INSRR: variants seen among roughly 807,000 people sequenced by gnomAD.
The protein encoded by INSRR is insulin receptor-related protein.
Under a neutral mutation model 130.0 loss-of-function variants are expected in INSRR, and 114 were observed. The ratio of observed to expected loss-of-function variants is 0.88; its 90% confidence interval spans 0.75 to 1.02. The LOEUF (loss-of-function observed/expected upper bound fraction) is 1.02, where lower values mean the gene tolerates loss of function less well. Among genes scored for constraint, INSRR ranks in the 50% least tolerant of loss-of-function variants. The pLI, the probability that INSRR is intolerant of heterozygous loss-of-function variation, is 0.00. For synonymous variants in INSRR, 674 were observed against 705.2 expected, an observed-to-expected ratio of 0.96 and a Z score of 0.70; for missense variants, 1,657 against 1,735.2, an observed-to-expected ratio of 0.95 and a Z score of 0.80.
chr1:156,851,288 A>G lies in INSRR; in HGVS notation c.1229+2T>C. On this transcript the variant is annotated splice_donor_variant, in intron 5 of 21. Transcript: ENST00000368195. LOFTEE classifies it high-confidence loss of function. The stretch of plus-strand genomic sequence containing the variant: ...GGAGCTGGTCAGAGGCCTAACCCTT[A>G]CCCATCCACCATGGCGTCTCCCCGG... The G allele has an allele frequency of 1.2e-6, 2 of 1,614,038 alleles. No individual in the cohort carries two copies. The highest frequency in any genetic ancestry group is 1.7e-5 in the Admixed American group (1 of 60,010).
rs55694053 is a variant in INSRR at position 156,841,679 on chromosome 1, G to A, written c.3513C>T (p.Thr1171=). The A allele has an allele frequency of 7.9e-4, 1,275 of 1,614,036 alleles. 3 individuals carry two copies. Among genetic ancestry groups the A allele is most frequent in the Non-Finnish European group, 9.8e-4 (1,159 of 1,179,948 alleles). Reference sequence around the variant, plus strand: ...CTCGGCCCCACCAGACATCCGAGTGGGTGGTGAAGATCCCATCTTTGAGGG... The same window carrying A: ...CTCGGCCCCACCAGACATCCGAGTGAGTGGTGAAGATCCCATCTTTGAGGG... The part of the protein sequence containing the change: ...PESLKDGIFT[T]HSDVWSFGVV... Residue 1171 remains threonine, a synonymous_variant, in exon 20 of 22, where the codon ACC becomes ACT. Transcript: ENST00000368195.
chr1:156,841,969 C>T (rs1654807134), intron 19 of INSRR, 143 bp downstream of exon 19: 27 of 1,554,088 alleles, frequency 1.7e-5, no homozygotes, highest in Non-Finnish European at 2.4e-5. Context: ...TGCCCTTGGA[C>T]AAGAGACTAA....
In INSRR at chr1:156,844,209, G is replaced by A; in HGVS notation, c.2809C>T (p.Leu937Phe). Residue 937 changes from leucine (L) to phenylalanine (F), a missense_variant, in exon 15 of 22, where the codon CTT becomes TTT. Coordinates refer to ENST00000368195, the MANE Select transcript of INSRR (RefSeq NM_014215.3). The part of the protein sequence containing the change: ...TPVGLTLLIV[L>F]AALGFFYGKK... ...CCGTAGAAGAAACCAAGGGCAGCAA[G>A]AACGATGAGCAGCGTGAGCCCCACA... 1 of 1,614,012 alleles carries A rather than the reference G, an allele frequency of 6.2e-7. No individual in the cohort carries two copies. Among genetic ancestry groups the A allele is most frequent in the Admixed American group, 1.7e-5 (1 of 60,022 alleles).
At chr1:156,842,853 C>A in intron 17 of INSRR, 151 bp downstream of exon 17, 1 of 672,638 alleles carries the variant, frequency 1.5e-6, no homozygotes, top group Non-Finnish European at 2.6e-6. Flanking sequence ...TGACTCTAAC[C>A]CTAACCATGA....
chr1:156,841,023 C>T lies in INSRR; in HGVS notation c.3744G>A (p.Glu1248=), dbSNP rs1224426586. 2 of 1,605,096 alleles carry T rather than the reference C, an allele frequency of 1.2e-6. No individual in the cohort carries two copies. Among genetic ancestry groups the T allele is most frequent in the Non-Finnish European group, 1.7e-6 (2 of 1,175,680 alleles). The change falls in exon 22 of 22, where the codon GAG becomes GAA. Residue 1248 remains glutamate (E), a synonymous_variant. Transcript: ENST00000368195. ...GGAGGCGGAAGGAGGGCCGCAGCTC[C>T]TCCTGTATGCTGTCCAGAATGTGTG... is the stretch of plus-strand genomic sequence containing the variant. ...SFTHILDSIQ[E]ELRPSFRLLS...
At position 156,844,737 on chromosome 1, in the gene INSRR, C is replaced by T. The variant is rs756794413; in HGVS notation, c.2544G>A (p.Lys848=). The T allele has an allele frequency of 7.4e-6, 12 of 1,614,124 alleles. 1 individual carries two copies. In the East Asian group the frequency reaches 2.5e-4, roughly 33 times the overall value. The change falls in exon 13 of 22, where the codon AAG becomes AAA. Residue 848 remains lysine (K), a synonymous_variant. Transcript: ENST00000368195. ...CCAAGCGGCGGTACTTGATTTCGTA[C>T]TTGAGGATGAGTCCGTTGGGGTCTG... The part of the protein sequence containing the change: ...EPPDPNGLIL[K]YEIKYRRLGE...
At position 156,846,738 on chromosome 1, in the gene INSRR, C is replaced by G. The variant is rs1655027296; in HGVS notation, c.1591G>C (p.Glu531Gln). 1 of 1,613,898 alleles carries G rather than the reference C, an allele frequency of 6.2e-7. No homozygotes were observed. The highest frequency in any genetic ancestry group is 1.3e-5 in the African/African-American group (1 of 74,916). The change falls in exon 8 of 22, where the codon GAG (glutamate) becomes CAG (glutamine). Residue 531 changes from glutamate to glutamine, a missense_variant. Coordinates refer to ENST00000368195, the MANE Select transcript of INSRR (RefSeq NM_014215.3). Reference sequence around the variant, plus strand: ...CCACAAGCATCTGGACCCACGTGCTCTGTGGCGTTCTGGAATGGGCTGAAC... The same window carrying G: ...CCACAAGCATCTGGACCCACGTGCTGTGTGGCGTTCTGGAATGGGCTGAAC... ...YKESPFQNAT[E>Q]HVGPDACGTQ...
At position 156,846,668 on chromosome 1, in the gene INSRR, C is replaced by T. The variant is rs747078960; in HGVS notation, c.1661G>A (p.Arg554His). Reference sequence around the variant, plus strand: ...TAGGGTCACCCCTGGCTCCTGGGTGCGGCTTAGGGGCAGCTCCACATCCAG... The same window carrying T: ...TAGGGTCACCCCTGGCTCCTGGGTGTGGCTTAGGGGCAGCTCCACATCCAG... Reference protein sequence around the residue: ...NLLDVELPLSRTQEPGVTLAS... With the variant: ...NLLDVELPLSHTQEPGVTLAS... Residue 554 changes from arginine (R) to histidine (H), a missense_variant, in exon 8 of 22, where the codon CGC becomes CAC. By Grantham distance (29) the Arg-to-His change is conservative. Coordinates refer to ENST00000368195, the MANE Select transcript of INSRR (RefSeq NM_014215.3). The T allele has an allele frequency of 2.0e-5, 33 of 1,614,024 alleles. No homozygotes were observed. The highest frequency in any genetic ancestry group is 1.3e-5 in the African/African-American group (1 of 74,922).
rs12064115 is a variant in INSRR at position 156,846,129 on chromosome 1, C to T, written c.1811-10G>A. 0.1 allele frequency: 164,118 copies of T among 1,576,152 alleles called. 8,846 individuals are homozygous for T. The highest frequency in any genetic ancestry group is 0.14 in the South Asian group (11,633 of 84,826). ...TGGGGCACCGTGGGAGCTAGGAGTGCGAGAAGGATGCAACTCAGGGGTGTG... is the reference window on the plus strand; with the variant it reads ...TGGGGCACCGTGGGAGCTAGGAGTGTGAGAAGGATGCAACTCAGGGGTGTG... On this transcript the variant is annotated splice_polypyrimidine_tract_variant and intron_variant, in intron 8 of 21. Coordinates refer to ENST00000368195, the MANE Select transcript of INSRR (RefSeq NM_014215.3).
At chr1:156,841,305 T>C (rs1654769996) in intron 21 of INSRR, 89 bp downstream of exon 21, 2 of 1,271,044 alleles carry the variant, frequency 1.6e-6, no homozygotes, top group Admixed American at 1.8e-5. Flanking sequence ...TGTCAAAGCA[T>C]CAGAGGAGGT....
In INSRR at chr1:156,851,972, A is replaced by G. The variant is rs375534029; in HGVS notation, c.857T>C (p.Val286Ala). The G allele has an allele frequency of 2.5e-6, 4 of 1,608,994 alleles. No individual in the cohort carries two copies. The African/African-American group carries it at 5.3e-5, about 21-fold the overall frequency. The change falls in exon 3 of 22, where the codon GTG becomes GCG. Residue 286 changes from valine (V) to alanine (A), a missense_variant. By Grantham distance (64) the Val-to-Ala change is moderately conservative. Coordinates refer to ENST00000368195, the MANE Select transcript of INSRR (RefSeq NM_014215.3). ...TAERCASLHS[V>A]PGRASTFGIH... is the part of the protein sequence containing the mutation. Reference sequence around the variant, plus strand: ...GCCGAAGGTGGAGGCACGGCCGGGCACAGAGTGCAGGCTGGCACAGCGCTC... The same window carrying G: ...GCCGAAGGTGGAGGCACGGCCGGGCGCAGAGTGCAGGCTGGCACAGCGCTC...
chr1:156,853,719 T>C (rs779058453), intron 2 of INSRR, 33 bp downstream of exon 2: 2 of 1,566,766 alleles, frequency 1.3e-6, no homozygotes, highest in East Asian at 2.3e-5. Context: ...GCTCTCTCCC[T>C]TCCCTACATT....
chr1:156,852,032 G>T lies in INSRR; in HGVS notation c.797C>A (p.Thr266Asn). The T allele has an allele frequency of 6.2e-7, 1 of 1,613,538 alleles. No homozygotes were observed. Among genetic ancestry groups the T allele is most frequent in the Non-Finnish European group, 8.5e-7 (1 of 1,179,920 alleles). Reference protein sequence around the residue: ...GACLWACPPGTYQYESWRCVT... With the variant: ...GACLWACPPGNYQYESWRCVT... ...ACAGCGCCAGGACTCATACTGGTAGGTGCCTGGCGGGCAGGCCCACAGGCA... is the reference window on the plus strand; with the variant it reads ...ACAGCGCCAGGACTCATACTGGTAGTTGCCTGGCGGGCAGGCCCACAGGCA... Residue 266 changes from threonine to asparagine, a missense_variant, in exon 3 of 22, where the codon ACC (threonine) becomes AAC (asparagine). Transcript: ENST00000368195.
Position 156,841,528 on chromosome 1 carries a change from C to T in INSRR, c.3528G>A (p.Trp1176Ter). 6.2e-7 allele frequency: 1 copy of T among 1,613,974 alleles called. No individual in the cohort carries two copies. Among genetic ancestry groups the T allele is most frequent in the Non-Finnish European group, 8.5e-7 (1 of 1,179,966 alleles). Residue 1176 changes from tryptophan (W) to a stop codon, truncating the protein, a stop_gained and splice_region_variant, in exon 21 of 22, where the codon TGG becomes TGA. Transcript: ENST00000368195. LOFTEE classifies it high-confidence loss of function. ...DGIFTTHSDV[W>*]SFGVVLWEIV... ...TCTCCCAGAGTACCACGCCAAAGGA[C>T]CTGGGGGCATGCAGGAGCTCCTGAG... is the stretch of plus-strand genomic sequence containing the variant.
Position 156,854,165 on chromosome 1 carries a change from C to T in INSRR, c.224G>A (p.Arg75His), listed in dbSNP as rs139920561. Reference protein sequence around the residue: ...GEDFRGLSFPRLTQVTDYLLL... With the variant: ...GEDFRGLSFPHLTQVTDYLLL... ...CAGGTAGTCGGTGACCTGGGTGAGG[C>T]GAGGGAAGCTGAGGCCGCGGAAGTC... The change falls in exon 2 of 22, where the codon CGC becomes CAC. Residue 75 changes from arginine to histidine, a missense_variant. Transcript: ENST00000368195. This position sits in a 1 kb window ranked among gnomAD's most constrained non-coding sequence, Gnocchi z 4.2. 9.3e-6 allele frequency: 15 copies of T among 1,613,988 alleles called. No individual in the cohort carries two copies. The highest frequency in any genetic ancestry group is 3.3e-5 in the Admixed American group (2 of 60,002).
At position 156,840,543 on chromosome 1, in the gene INSRR, G is replaced by A. The variant is rs917757418; in HGVS notation, c.*330C>T. ...TGTCCAGAGGAGACCCCAAACTGAG[G>A]GGCAGGGCCTCTAGGGTGGGCGGGC... On this transcript the variant is annotated 3_prime_UTR_variant, in exon 22 of 22. Transcript: ENST00000368195. The A allele has an allele frequency of 3.3e-5, 12 of 367,250 alleles. No individual in the cohort carries two copies. The highest frequency in any genetic ancestry group is 2.5e-4 in the South Asian group (8 of 32,428). The allele number at this position is 367,250 out of a possible 1,614,324, so 22.7% of individuals were successfully genotyped here.
chr1:156,858,635 G>C lies in INSRR; in HGVS notation c.-14C>G. Reference sequence around the variant, plus strand: ...AGGCACTGCCATTGTCCCAGCCCTGGCTTGTGTCCAGTCCCGGCTCTCCTC... The same window carrying C: ...AGGCACTGCCATTGTCCCAGCCCTGCCTTGTGTCCAGTCCCGGCTCTCCTC... On this transcript the variant is annotated 5_prime_UTR_variant, in exon 1 of 22. Transcript: ENST00000368195. 1 of 1,612,652 alleles carries C rather than the reference G, an allele frequency of 6.2e-7. No homozygotes were observed. The highest frequency in any genetic ancestry group is 8.5e-7 in the Non-Finnish European group (1 of 1,178,704).
At chr1:156,850,018 TCA>T (rs1206194988) in intron 5 of INSRR, among the ~76,000 whole-genome samples, 3 of 151,878 alleles carry the variant, frequency 2.0e-5, no homozygotes, top group African/African-American at 7.3e-5. Context: ...TCCTCCCACC[TCA>T]GTCTCTTGAG....
intron 6 of INSRR, 71 bp from the exon 7 acceptor site, chr1:156,849,118 CATCCCATTCCCAGTGAGACCTCT>C: frequency 2.5e-6 from 4 of 1,597,228 alleles, no homozygotes; most frequent in Non-Finnish European, 3.4e-6. Flanking sequence ...GACCCCGCGG[CATCCCATTCCCAGTGAGACCTCT>C]GAGGAGAACT....
Sources: gnomAD v4.1 joint callset for allele counts (sites outside exome capture counted in the v4.1 genomes callset) on GRCh38, gnomAD v4.1.1 for gene constraint, Gnocchi (gnomAD v3.1) non-coding constraint, MANE v1.5 for transcripts, NCBI Gene and HGNC (gene_info 2026-07-23, HGNC 2026-07-21) for gene names.